TPH1: variants seen among roughly 807,000 people sequenced by gnomAD.
TPH1 encodes tryptophan 5-hydroxylase 1.
In TPH1, 37 loss-of-function variants were observed where a neutral mutation model predicts 49.5. That is an observed-to-expected ratio of 0.75 (90% CI 0.58 to 0.98). TPH1 has a LOEUF of 0.98. TPH1 is among the 50% of genes least tolerant of loss of function. The pLI, the probability that TPH1 is intolerant of heterozygous loss-of-function variation, is 0.00. For synonymous variants in TPH1, 160 were observed against 182.1 expected (o/e 0.88, Z 0.98); for missense variants, 487 against 523.6 (o/e 0.93, Z 0.68).
chr11:18,044,669 C>T (rs970678591), intron 1 of TPH1, among the ~76,000 whole-genome samples: 3 of 151,990 alleles, frequency 2.0e-5, no homozygotes, highest in African/African-American at 4.8e-5. Context: ...TAACCCCAAA[C>T]CGCTTTCAGA....
intron 6 of TPH1, 69 bp from the exon 7 acceptor site, chr11:18,026,694 C>T: frequency 6.3e-7 from 1 of 1,590,114 alleles, no homozygotes; most frequent in Non-Finnish European, 8.6e-7. Flanking sequence ...CATTTTAGTT[C>T]TGCTAGTGGC....
Position 18,019,499 on chromosome 11 carries a change from T to C in TPH1, c.*1492A>G, listed in dbSNP as rs558549695. 5.4e-6 allele frequency: 2 copies of C among 372,780 alleles called. No homozygotes were observed. Among genetic ancestry groups the C allele is most frequent in the Admixed American group, 3.5e-5 (1 of 28,832 alleles). The allele number at this position is 372,780 out of a possible 1,614,324, so 23.1% of individuals were successfully genotyped here. A position where few individuals can be genotyped will look rare whatever the true frequency, so the allele number is the denominator to read the frequency against. ...ACCCCTATTCATTCTATGTGGATGA[T>C]GCCACATGAAGTTGTACAGCATTGG... On this transcript the variant is annotated 3_prime_UTR_variant, in exon 11 of 11. Transcript: ENST00000682019.
chr11:18,045,751 G>C lies in TPH1; in HGVS notation c.-27+490C>G, dbSNP rs1177102648. ...GTGATGATGGTAAGTGCGATGCTGAGAAGCTTTGCATCTGAGACTCCTTCT... is the reference window on the plus strand; with the variant it reads ...GTGATGATGGTAAGTGCGATGCTGACAAGCTTTGCATCTGAGACTCCTTCT... On this transcript the variant is annotated intron_variant, in intron 1 of 10. Transcript: ENST00000682019. Among the ~76,000 whole-genome samples, 7 of 152,170 alleles carry C rather than the reference G, an allele frequency of 4.6e-5. 1 individual carries two copies. The highest frequency in any genetic ancestry group is 4.6e-4 in the Admixed American group (7 of 15,288).
rs772267645 is a variant in TPH1, at chr11:18,029,597, G to A, written c.403-18C>T. The A allele has an allele frequency of 6.3e-7, 1 of 1,593,330 alleles. No individual in the cohort carries two copies. Among genetic ancestry groups the A allele is most frequent in the South Asian group, 1.1e-5 (1 of 90,030 alleles). ...TTGAAGCCCTGATAATTAAAGATAT[G>A]TTTTTAAATATCCATACTAAAAAAT... On this transcript the variant is annotated intron_variant, in intron 4 of 10. Coordinates refer to ENST00000682019, the MANE Select transcript of TPH1 (RefSeq NM_004179.3).
rs1217440427 is a variant in TPH1, at chr11:18,019,203, T to C, written c.*1788A>G. On this transcript the variant is annotated 3_prime_UTR_variant, in exon 11 of 11. Transcript: ENST00000682019. Reference sequence around the variant, plus strand: ...ATGAAATACAAAGTTTTTAATAATTTATTTTGAGGACTAAGAAGTGTTAAA... The same window carrying C: ...ATGAAATACAAAGTTTTTAATAATTCATTTTGAGGACTAAGAAGTGTTAAA... 1 of 152,618 alleles carries C rather than the reference T, an allele frequency of 6.6e-6. No homozygotes were observed. The highest frequency in any genetic ancestry group is 1.9e-4 in the East Asian group (1 of 5,212). 9.5% of individuals were successfully genotyped at this position (152,618 alleles called of 1,614,324 possible).
rs1345138808 is a variant in TPH1, at chr11:18,018,779, G to C, written c.*2212C>G. On this transcript the variant is annotated 3_prime_UTR_variant, in exon 11 of 11. Transcript: ENST00000682019. ...TTTATTCTCATGTGCTTTAGTCATA[G>C]AGTGATTTTAAACATCATCATTTTA... The C allele has an allele frequency of 1.4e-5, 2 of 145,360 alleles. No homozygotes were observed. Among genetic ancestry groups the C allele is most frequent in the Admixed American group, 7.0e-5 (1 of 14,348 alleles). The allele number at this position is 145,360 out of a possible 1,614,324, so 9.0% of individuals were successfully genotyped here. A position where few individuals can be genotyped will look rare whatever the true frequency, so the allele number is the denominator to read the frequency against.
chr11:18,041,119 CCCCACCTTG>C, intron 1 of TPH1: 1 of 209,134 alleles, frequency 4.8e-6, no homozygotes, highest in Non-Finnish European at 9.6e-6. Context: ...CCTACCTCCT[CCCCACCTTG>C]CCCACAATCT....
rs142592398 is a variant in TPH1, at chr11:18,017,993, G to C, written c.*2998C>G. 7 of 152,062 alleles carry C rather than the reference G, an allele frequency of 4.6e-5. No individual in the cohort carries two copies. Among genetic ancestry groups the C allele is most frequent in the African/African-American group, 1.4e-4 (6 of 41,406 alleles). 9.4% of individuals were successfully genotyped at this position (152,062 alleles called of 1,614,324 possible). ...TGTAATCCCAGCACTTTGGGAGGCC[G>C]AGGCGGATGGATCACCTGCGGTCAG... is the stretch of plus-strand genomic sequence containing the variant. On this transcript the variant is annotated 3_prime_UTR_variant, in exon 11 of 11. Coordinates refer to ENST00000682019, the MANE Select transcript of TPH1 (RefSeq NM_004179.3).
chr11:18,037,226 C>T (rs904852190), intron 2 of TPH1, among the ~76,000 whole-genome samples: 3 of 151,958 alleles, frequency 2.0e-5, no homozygotes, highest in Admixed American at 6.6e-5. Flanking sequence ...GGCGTAGTGG[C>T]GCACACCAGT....
rs549375130 is a variant in TPH1 at position 18,029,199 on chromosome 11, G to A, written c.633C>T (p.Ile211=). Residue 211 remains isoleucine, a synonymous_variant, in exon 6 of 11, where the codon ATC becomes ATT. Coordinates refer to ENST00000682019, the MANE Select transcript of TPH1 (RefSeq NM_004179.3). The stretch of plus-strand genomic sequence containing the variant: ...AGTTGGAGACATCTTCCAATTGTGG[G>A]ATATTATCCTCCCGATATCCACAAT... ...SKYCGYREDN[I]PQLEDVSNFL... 28 of 1,613,674 alleles carry A rather than the reference G, an allele frequency of 1.7e-5. No homozygotes were observed. The Admixed American group carries it at 4.0e-4, about 23-fold the overall frequency.
In TPH1 at chr11:18,022,907, C is replaced by G. The variant is rs1236630075; in HGVS notation, c.1051G>C (p.Val351Leu). The G allele has an allele frequency of 6.2e-7, 1 of 1,613,548 alleles. No homozygotes were observed. The highest frequency in any genetic ancestry group is 2.2e-5 in the East Asian group (1 of 44,856). ...LKHALSGHAK[V>L]KPFDPKITCK... ...GTAATCTTGGGATCAAAGGGCTTTA[C>G]TTTGGCATGTCCAGAAAGTGCATGC... is the stretch of plus-strand genomic sequence containing the variant. The change falls in exon 10 of 11, where the codon GTA (valine) becomes CTA (leucine). Residue 351 changes from valine to leucine, a missense_variant. Val to Leu is a conservative substitution (Grantham distance 32, BLOSUM62 1). Transcript: ENST00000682019.
chr11:18,045,218 A>C (rs764170468), intron 1 of TPH1, among the ~76,000 whole-genome samples: 2 of 152,224 alleles, frequency 1.3e-5, no homozygotes, highest in Non-Finnish European at 2.9e-5. Context: ...AGAGGGAGGG[A>C]ATCCTCTACG....
chr11:18,028,650 T>C (rs997745191), intron 6 of TPH1, among the ~76,000 whole-genome samples: 2 of 152,240 alleles, frequency 1.3e-5, no homozygotes, highest in African/African-American at 4.8e-5. Context: ...CACTTTCCTC[T>C]ACCTTGGCTG....
At chr11:18,028,092 G>A (rs1043897365) in intron 6 of TPH1, among the ~76,000 whole-genome samples, 1 of 152,074 alleles carries the variant, frequency 6.6e-6, no homozygotes, top group Non-Finnish European at 1.5e-5. Context: ...GAGATAAAAG[G>A]GAAAATTTAT....
rs562926870 is a variant in TPH1 at position 18,028,919 on chromosome 11, G to C, written c.667+246C>G. ...ATCCCTACTAAAAATACAAAAATTAGCAGGGTGTGGTGGCAGGTGCCTGTA... is the reference window on the plus strand; with the variant it reads ...ATCCCTACTAAAAATACAAAAATTACCAGGGTGTGGTGGCAGGTGCCTGTA... On this transcript the variant is annotated intron_variant, in intron 6 of 10. Transcript: ENST00000682019. Among the ~76,000 whole-genome samples the C allele has an allele frequency of 1.6e-4, 25 of 152,018 alleles. No individual in the cohort carries two copies. The South Asian group carries it at 5.2e-3, about 32-fold the overall frequency.
At position 18,036,087 on chromosome 11, in the gene TPH1, G is replaced by T; in HGVS notation, c.173C>A (p.Ser58Ter). 1 of 1,613,306 alleles carries T rather than the reference G, an allele frequency of 6.2e-7. No homozygotes were observed. ...IESRKSKRRN[S>*]EFEIFVDCDI... ...ACAGTCAACAAAAATCTCAAATTCT[G>T]AGTTTCTTCTTTTTGATTTTCGGGA... The change falls in exon 3 of 11, where the codon TCA becomes TAA. Residue 58 changes from serine (S) to a stop codon, truncating the protein, a stop_gained. Coordinates refer to ENST00000682019, the MANE Select transcript of TPH1 (RefSeq NM_004179.3). LOFTEE classifies it high-confidence loss of function.
At chr11:18,029,438 C>G in intron 5 of TPH1, 74 bp downstream of exon 5, 1 of 1,550,356 alleles carries the variant, frequency 6.5e-7, no homozygotes, top group Admixed American at 1.7e-5. Flanking sequence ...TTCTACTTAC[C>G]AAATGAACAC....
At chr11:18,025,498 G>A in intron 8 of TPH1, 77 bp downstream of exon 8, 3 of 1,596,716 alleles carry the variant, frequency 1.9e-6, no homozygotes, top group Non-Finnish European at 1.7e-6. Flanking sequence ...TGGTCATTCT[G>A]AATATGTACT....
At chr11:18,039,044 G>A (rs745416022) in intron 2 of TPH1, among the ~76,000 whole-genome samples, 2 of 152,088 alleles carry the variant, frequency 1.3e-5, no homozygotes, top group African/African-American at 2.4e-5. Flanking sequence ...AAAAACTAAC[G>A]ACCAGAAATA....
Sources: gnomAD v4.1 joint callset for allele counts (sites outside exome capture counted in the v4.1 genomes callset) on GRCh38, gnomAD v4.1.1 for gene constraint, MANE v1.5 for transcripts, NCBI Gene and HGNC (gene_info 2026-07-23, HGNC 2026-07-21) for gene names.